Variants in PTPRD observed in about 807,000 individuals in gnomAD.
The protein encoded by PTPRD is receptor-type tyrosine-protein phosphatase delta.
In PTPRD, 34 loss-of-function variants were observed where a neutral mutation model predicts 214.5. The observed-to-expected ratio is 0.16, with a 90% confidence interval of 0.12 to 0.21. The LOEUF (loss-of-function observed/expected upper bound fraction) is 0.21. Ranked by LOEUF, PTPRD falls within the 10% of genes least tolerant of loss-of-function variation. PTPRD has a pLI of 1.00. For missense variants in PTPRD, 2,545 were observed against 2,398.7 expected (o/e 1.06, Z -1.27); for synonymous variants, 1,128 against 845.7 (o/e 1.33, Z -5.79).
intron 3 of PTPRD, among the ~76,000 whole-genome samples, chr9:10,282,487 T>A: frequency 6.6e-6 from 1 of 152,142 alleles, no homozygotes; most frequent in East Asian, 1.9e-4. Flanking sequence ...CCCAGGGTAC[T>A]TATTTTATTA....
At chr9:9,834,187 G>T (rs1013358749) in intron 5 of PTPRD, among the ~76,000 whole-genome samples, 5 of 152,030 alleles carry the variant, frequency 3.3e-5, no homozygotes, top group African/African-American at 1.2e-4. Context: ...ACGTTCTTCT[G>T]CCATGGCTTC....
chr9:8,554,302 A>G (rs750816070), intron 14 of PTPRD, among the ~76,000 whole-genome samples: 4 of 152,174 alleles, frequency 2.6e-5, no homozygotes, highest in Non-Finnish European at 4.4e-5. Context: ...AAGAGAAATA[A>G]ATCTGATATT....
At chr9:9,940,404 A>G (rs1989340) in intron 4 of PTPRD, among the ~76,000 whole-genome samples, 79,639 of 151,782 alleles carry the variant, frequency 0.52, 24,479 homozygotes, top group East Asian at 0.91. Context: ...TGCCAGGGGA[A>G]TAGGATAGGA....
chr9:9,055,327 G>C (rs988756738), intron 10 of PTPRD, among the ~76,000 whole-genome samples: 2 of 152,152 alleles, frequency 1.3e-5, no homozygotes, highest in Admixed American at 1.3e-4. Flanking sequence ...ATAACCATGT[G>C]AGGTAATGAA....
At chr9:10,452,090 G>T (rs1023583794) in intron 2 of PTPRD, among the ~76,000 whole-genome samples, 2 of 151,914 alleles carry the variant, frequency 1.3e-5, no homozygotes, top group African/African-American at 2.4e-5. Context: ...GAAGCTTCAA[G>T]TTCAAGAGCA....
intron 9 of PTPRD, among the ~76,000 whole-genome samples, chr9:9,213,523 T>TGTTC (rs1209406214): frequency 6.6e-6 from 1 of 151,964 alleles, no homozygotes; most frequent in Non-Finnish European, 1.5e-5. Flanking sequence ...GTTTTTTGTT[T>TGTTC]GTTTGTTTGT....
intron 9 of PTPRD, among the ~76,000 whole-genome samples, chr9:9,279,471 C>T (rs1204760110): frequency 1.3e-5 from 2 of 149,822 alleles, no homozygotes; most frequent in Non-Finnish European, 3.0e-5. Flanking sequence ...CTTCTTTTCC[C>T]TTTCTTAATG....
chr9:8,986,545 T>C (rs977924860), intron 11 of PTPRD, among the ~76,000 whole-genome samples: 1 of 151,986 alleles, frequency 6.6e-6, no homozygotes, highest in African/African-American at 2.4e-5. Context: ...AAAATCTACT[T>C]TTGTTAATTT....
chr9:10,192,182 T>A (rs1460789332), intron 3 of PTPRD, among the ~76,000 whole-genome samples: 2 of 152,108 alleles, frequency 1.3e-5, no homozygotes, highest in African/African-American at 4.8e-5. Flanking sequence ...TGCTGCCATT[T>A]TTGTTTTTAA....
intron 9 of PTPRD, among the ~76,000 whole-genome samples, chr9:9,320,877 G>T (rs1373145502): frequency 2.0e-5 from 3 of 152,022 alleles, no homozygotes; most frequent in Non-Finnish European, 4.4e-5. Context: ...TTTGTATTTT[G>T]TCCAAAAGCC....
At chr9:9,689,647 C>T (rs2097229866) in intron 7 of PTPRD, among the ~76,000 whole-genome samples, 1 of 151,828 alleles carries the variant, frequency 6.6e-6, no homozygotes, top group Non-Finnish European at 1.5e-5. Context: ...CTCCTCCCCT[C>T]TACTCTTCAT....
chr9:8,436,447 T>A lies in PTPRD; in HGVS notation c.4086+145A>T, dbSNP rs2095353305. 7 of 591,526 alleles carry A rather than the reference T, an allele frequency of 1.2e-5. No individual in the cohort carries two copies. In the Admixed American group the frequency reaches 2.0e-4, roughly 17 times the overall value. 36.6% of individuals were successfully genotyped at this position (591,526 alleles called of 1,614,324 possible). A position where few individuals can be genotyped will look rare whatever the true frequency, so the allele number is the denominator to read the frequency against. Reference sequence around the variant, plus strand: ...TATTGCTTGTGCAGACACTTTTAAGTTGACGGTTCATTATACATTTTTATA... The same window carrying A: ...TATTGCTTGTGCAGACACTTTTAAGATGACGGTTCATTATACATTTTTATA... On this transcript the variant is annotated intron_variant, in intron 35 of 45. Coordinates refer to ENST00000381196, the MANE Select transcript of PTPRD (RefSeq NM_002839.4).
At chr9:10,440,848 T>G (rs2098753430) in intron 2 of PTPRD, among the ~76,000 whole-genome samples, 1 of 151,744 alleles carries the variant, frequency 6.6e-6, no homozygotes, top group African/African-American at 2.4e-5. Context: ...TGGCAATGAA[T>G]TGTTCTAAAT....
chr9:9,926,612 A>G (rs1432960022), intron 5 of PTPRD, among the ~76,000 whole-genome samples: 1 of 152,194 alleles, frequency 6.6e-6, no homozygotes, highest in Non-Finnish European at 1.5e-5. Context: ...TAACTGAGAA[A>G]GGGTAGAAAT....
At chr9:9,719,544 G>T (rs908050358) in intron 7 of PTPRD, among the ~76,000 whole-genome samples, 36 of 113,252 alleles carry the variant, frequency 3.2e-4, no homozygotes, top group African/African-American at 2.2e-3. Flanking sequence ...ACAGGAAGCA[G>T]CAGCGAGGCA....
chr9:9,972,498 G>GA lies in PTPRD; in HGVS notation c.-471-33889dup, dbSNP rs75591614. Among the ~76,000 whole-genome samples the GA allele has an allele frequency of 1.6e-3, 237 of 152,242 alleles. 5 individuals carry two copies. In the East Asian group the frequency reaches 0.038, roughly 24 times the overall value. On this transcript the variant is annotated intron_variant, in intron 4 of 45. Coordinates refer to ENST00000381196, the MANE Select transcript of PTPRD (RefSeq NM_002839.4). The stretch of plus-strand genomic sequence containing the variant: ...TTTCATTCACTCCCTTCATATTATA[G>GA]AAATTACTTGAGTGCCTATTTGTAC...
At chr9:9,226,494 GGTA>G in intron 9 of PTPRD, among the ~76,000 whole-genome samples, 1 of 151,856 alleles carries the variant, frequency 6.6e-6, no homozygotes. Flanking sequence ...GGTAGTGAAG[GGTA>G]TGGGCAGAAG....
chr9:10,500,624 T>C (rs769913209), intron 2 of PTPRD, among the ~76,000 whole-genome samples: 1 of 151,926 alleles, frequency 6.6e-6, no homozygotes, highest in East Asian at 1.9e-4. Flanking sequence ...TCTGTAGTGC[T>C]AGCAAATAAT....
In PTPRD at chr9:9,787,849, T is replaced by C. The variant is rs548175434; in HGVS notation, c.-367-20998A>G. On this transcript the variant is annotated intron_variant, in intron 5 of 45. Coordinates refer to ENST00000381196, the MANE Select transcript of PTPRD (RefSeq NM_002839.4). ...CAGGCTGGAGTGCAATGGCGTGATC[T>C]CGGCTCACTGCAACCTCCACCTCCC... Among the ~76,000 whole-genome samples the C allele has an allele frequency of 2.3e-3, 344 of 152,030 alleles. 1 individual carries two copies. The highest frequency in any genetic ancestry group is 2.4e-3 in the Non-Finnish European group (164 of 67,984).
Sources: allele counts gnomAD v4.1 joint callset (sites outside exome capture counted in the v4.1 genomes callset), GRCh38; gene constraint gnomAD v4.1.1; transcripts MANE v1.5; gene names NCBI Gene and HGNC (gene_info 2026-07-23, HGNC 2026-07-21).